PWWP2A: variants seen among roughly 807,000 people sequenced by gnomAD.
PWWP2A encodes PWWP domain containing 2A.
A neutral mutation model predicts 48.5 loss-of-function variants in PWWP2A; 18 were observed. The observed-to-expected ratio is 0.37, with a 90% CI of 0.26 to 0.55. The LOEUF is 0.55. Among genes scored for constraint, PWWP2A ranks in the 20% least tolerant of loss-of-function variants. The pLI, the probability that PWWP2A is intolerant of heterozygous loss-of-function variation, is 0.81. For synonymous variants in PWWP2A, 396 were observed against 387.7 expected (o/e 1.02, Z -0.25); for missense variants, 867 against 976.4 (o/e 0.89, Z 1.49).
chr5:160,108,755 C>T, intron 1 of PWWP2A: 1 of 401,724 alleles, frequency 2.5e-6, no homozygotes. Flanking sequence ...ACAGTACCCC[C>T]ATGTACACAC....
chr5:160,061,302 C>T (rs1183844946), downstream of PWWP2A, among the ~76,000 whole-genome samples: 1 of 152,222 alleles, frequency 6.6e-6, no homozygotes, highest in Non-Finnish European at 1.5e-5. Context: ...TTCTTTCCTC[C>T]ACCCCTTTCC....
exon 4 of PWWP2A, chr5:160,075,946 T>C (rs942906342): frequency 2.5e-4 from 38 of 152,150 alleles, no homozygotes; most frequent in African/African-American, 9.1e-4. Context: ...TTTAAAACTC[T>C]GAGCATACTT....
intron 1 of PWWP2A, chr5:160,113,077 G>T: frequency 4.5e-6 from 1 of 224,126 alleles, no homozygotes; most frequent in Non-Finnish European, 7.4e-6. Flanking sequence ...GGAACTGCTT[G>T]AACCACGGAG....
At chr5:160,086,049 A>C (rs1285838218) in intron 2 of PWWP2A, among the ~76,000 whole-genome samples, 3 of 145,588 alleles carry the variant, frequency 2.1e-5, no homozygotes, top group Non-Finnish European at 3.0e-5. Context: ...GAACTCCTTA[A>C]CTCAGGTGAT....
intron 1 of PWWP2A, among the ~76,000 whole-genome samples, chr5:160,098,575 T>C (rs1199054506): frequency 6.6e-6 from 1 of 152,142 alleles, no homozygotes; most frequent in Non-Finnish European, 1.5e-5. Flanking sequence ...AAATCAGAGT[T>C]AAGAGTAGAA....
At chr5:160,089,797 G>C, downstream of PWWP2A, 1 of 985,178 alleles carries the variant, frequency 1.0e-6, no homozygotes, top group Non-Finnish European at 1.2e-6. Context: ...CACTCCAAGG[G>C]GAAAAAATAC....
chr5:160,097,344 A>G (rs1755769593), intron 1 of PWWP2A, among the ~76,000 whole-genome samples: 1 of 144,286 alleles, frequency 6.9e-6, no homozygotes, highest in Non-Finnish European at 1.5e-5. Context: ...CTCAAAAAAA[A>G]AAAAAAAAAA....
downstream of PWWP2A, chr5:160,090,230 C>CA: frequency 5.1e-6 from 5 of 985,132 alleles, no homozygotes; most frequent in Non-Finnish European, 6.0e-6. Flanking sequence ...GTTTATGCCA[C>CA]AACAGCACAT....
Position 160,119,298 on chromosome 5 carries a change from G to C in PWWP2A, c.91C>G (p.Pro31Ala). ...GEAEPEMEPIPGSEAGTDPLP... is the reference protein window; with the variant it reads ...GEAEPEMEPIAGSEAGTDPLP... Reference sequence around the variant, plus strand: ...GGGTCAGTGCCGGCCTCACTGCCGGGGATGGGCTCCATCTCCGGCTCGGCC... The same window carrying C: ...GGGTCAGTGCCGGCCTCACTGCCGGCGATGGGCTCCATCTCCGGCTCGGCC... The change falls in exon 1 of 2, where the codon CCC (proline) becomes GCC (alanine). Residue 31 changes from proline to alanine, a missense_variant. By Grantham distance (27) the Pro-to-Ala change is conservative. This residue lies in a region of PWWP2A where 385 missense variants were observed against 396.9 expected (regional missense o/e 0.97). Coordinates refer to ENST00000307063, the MANE Select transcript of PWWP2A (RefSeq NM_001130864.2). 2 of 1,382,314 alleles carry C rather than the reference G, an allele frequency of 1.4e-6. No homozygotes were observed. Among genetic ancestry groups the C allele is most frequent in the Non-Finnish European group, 1.9e-6 (2 of 1,074,868 alleles). 85.6% of individuals were successfully genotyped at this position (1,382,314 alleles called of 1,614,324 possible).
rs1397533590 is a variant in PWWP2A at position 160,092,727 on chromosome 5, G to A, written c.1923C>T (p.Asn641=). ...NSLKMKVFSK[N]VSKCVTPDGR... ...CATCTGGTGTGACGCATTTAGAGAC[G>A]TTTTTGGAAAAGACTTTCATTTTCA... Residue 641 remains asparagine (N), a synonymous_variant, in exon 2 of 2, where the codon AAC becomes AAT. Transcript: ENST00000307063. The A allele has an allele frequency of 4.5e-6, 7 of 1,551,488 alleles. No homozygotes were observed. Among genetic ancestry groups the A allele is most frequent in the Admixed American group, 2.0e-5 (1 of 50,970 alleles).
downstream of PWWP2A, among the ~76,000 whole-genome samples, chr5:160,089,055 TCCTG>T (rs372941038): frequency 4.5e-3 from 693 of 152,316 alleles, 5 homozygotes; most frequent in South Asian, 0.017. Flanking sequence ...ACATCAAAAT[TCCTG>T]CCTATTCAAC....
At chr5:160,084,724 C>A (rs1754492508) in intron 2 of PWWP2A, among the ~76,000 whole-genome samples, 1 of 152,140 alleles carries the variant, frequency 6.6e-6, no homozygotes. Context: ...AGCCAAGGCA[C>A]CTGGTCCTAA....
In PWWP2A at chr5:160,093,280, T is replaced by G. The variant is rs757377128; in HGVS notation, c.1370A>C (p.His457Pro). The part of the protein sequence containing the change: ...STSKNAHSKV[H>P]FTRRYQNPSS... ...AGGATTCTGATATCGACGTGTGAAA[T>G]GGACTTTTGAATGTGCATTTTTGGA... The change falls in exon 2 of 2, where the codon CAT becomes CCT. Residue 457 changes from histidine (H) to proline (P), a missense_variant. By Grantham distance (77) the His-to-Pro change is moderately conservative. Transcript: ENST00000307063. The surrounding 1 kb of genome is among the most constrained non-coding windows in gnomAD (Gnocchi z 5.8). The G allele has an allele frequency of 1.2e-6, 2 of 1,614,010 alleles. No individual in the cohort carries two copies. The highest frequency in any genetic ancestry group is 3.3e-5 in the Admixed American group (2 of 60,020).
chr5:160,073,329 C>T (rs6875745), downstream of PWWP2A, among the ~76,000 whole-genome samples: 10,526 of 151,530 alleles, frequency 0.069, 440 homozygotes, highest in African/African-American at 0.12. Flanking sequence ...CCCGGGTTCA[C>T]GCCATCCTCC....
intron 1 of PWWP2A, chr5:160,118,062 T>A (rs1758316284): frequency 6.3e-6 from 1 of 157,704 alleles, no homozygotes; most frequent in Non-Finnish European, 1.4e-5. Context: ...GAACTCAACC[T>A]TCTTGTCCTT....
chr5:160,111,514 G>C (rs1757572499), intron 1 of PWWP2A, among the ~76,000 whole-genome samples: 1 of 151,782 alleles, frequency 6.6e-6, no homozygotes, highest in African/African-American at 2.4e-5. Flanking sequence ...TGAGATTCTA[G>C]TCCCAGGTAC....
At chr5:160,105,090 T>C (rs1037149377) in intron 1 of PWWP2A, among the ~76,000 whole-genome samples, 11 of 151,964 alleles carry the variant, frequency 7.2e-5, no homozygotes, top group African/African-American at 2.7e-4. Context: ...ATAAAACAAT[T>C]AGCCAGGTGT....
intron 1 of PWWP2A, among the ~76,000 whole-genome samples, chr5:160,098,796 C>T (rs1398244148): frequency 1.3e-5 from 2 of 152,028 alleles, no homozygotes; most frequent in African/African-American, 2.4e-5. Context: ...GGTGAAACCC[C>T]GTCTCTACTA....
chr5:160,101,646 A>C (rs1161447282), intron 1 of PWWP2A, among the ~76,000 whole-genome samples: 1 of 128,934 alleles, frequency 7.8e-6, no homozygotes, highest in Non-Finnish European at 1.6e-5. Context: ...TGGTTAAAAT[A>C]CATTTTGTTA....
Sources: allele counts gnomAD v4.1 joint callset (sites outside exome capture counted in the v4.1 genomes callset), GRCh38; gene constraint gnomAD v4.1.1; regional missense constraint gnomAD v4.1.1; non-coding constraint Gnocchi (gnomAD v3.1); transcripts MANE v1.5; gene names NCBI Gene and HGNC (gene_info 2026-07-23, HGNC 2026-07-21).